Variants in LY75 observed in about 807,000 individuals in gnomAD.
The protein encoded by LY75 is C-type lectin domain family 13 member B.
LY75 carries 185 observed loss-of-function variants against 231.7 expected under a neutral mutation model. The observed-to-expected ratio is 0.80, with a 90% confidence interval of 0.71 to 0.90. LY75 has a LOEUF of 0.90. LY75 is among the 40% of genes least tolerant of loss of function. The probability of loss-of-function intolerance (pLI) is 0.00; values close to 1 mark genes in which losing one functional copy is unlikely to be tolerated. For synonymous variants in LY75, 668 were observed against 689.0 expected (o/e 0.97, Z 0.48); for missense variants, 1,947 against 2,050.2 (o/e 0.95, Z 0.97).
At chr2:159,832,532 G>A (rs7607439) in intron 27 of LY75, among the ~76,000 whole-genome samples, 4,623 of 152,232 alleles carry the variant, frequency 0.03, 214 homozygotes, top group African/African-American at 0.1. Flanking sequence ...TTTTCAGTAT[G>A]AGGGTTAAAA....
intron 23 of LY75, among the ~76,000 whole-genome samples, chr2:159,849,101 C>T (rs1168486919): frequency 1.3e-5 from 2 of 152,094 alleles, no homozygotes; most frequent in Admixed American, 1.3e-4. Context: ...CTATAATAAC[C>T]AAGTAATAAT....
chr2:159,879,337 C>T lies in LY75; in HGVS notation c.1437G>A (p.Glu479=). ...TTCTCTTGCATACATATTTTAGTTT[C>T]TCCTCACATGATTGGACTTTCCACT... ...LGQWKVQSCE[E]KLKYVCKRKG... is the part of the protein sequence containing the mutation. The change falls in exon 9 of 35, where the codon GAG becomes GAA. Residue 479 remains glutamate, a synonymous_variant. Coordinates refer to ENST00000263636, the MANE Select transcript of LY75 (RefSeq NM_002349.4). 12 of 1,613,654 alleles carry T rather than the reference C, an allele frequency of 7.4e-6. No individual in the cohort carries two copies. Among genetic ancestry groups the T allele is most frequent in the Non-Finnish European group, 1.0e-5 (12 of 1,179,874 alleles).
Position 159,810,564 on chromosome 2 carries a change from T to C in LY75, c.4661A>G (p.His1554Arg). Residue 1554 changes from histidine to arginine, a missense_variant, in exon 32 of 35, where the codon CAC (histidine) becomes CGC (arginine). His to Arg is a conservative substitution (Grantham distance 29). Transcript: ENST00000263636. The stretch of plus-strand genomic sequence containing the variant: ...CAATTTTTTGGCCTCTGAAAAACTG[T>C]GCAATGCCTGATCAGACTTGTAACA... ...GHCYKSDQAL[H>R]SFSEAKKLCS... 1.2e-6 allele frequency: 2 copies of C among 1,614,164 alleles called. No individual in the cohort carries two copies. Among genetic ancestry groups the C allele is most frequent in the Non-Finnish European group, 1.7e-6 (2 of 1,180,020 alleles).
chr2:159,875,355 A>G, intron 12 of LY75, 89 bp downstream of exon 12: 4 of 1,525,052 alleles, frequency 2.6e-6, no homozygotes, highest in Non-Finnish European at 3.5e-6. Context: ...ACATAGTACT[A>G]TGGAGAAGAG....
intron 30 of LY75, among the ~76,000 whole-genome samples, chr2:159,816,548 C>T (rs1010112625): frequency 6.6e-6 from 1 of 152,148 alleles, no homozygotes; most frequent in Non-Finnish European, 1.5e-5. Context: ...ATTTGTCTGT[C>T]CCAAATAGGC....
intron 31 of LY75, chr2:159,812,235 T>G (rs1682982101): frequency 6.6e-6 from 1 of 151,888 alleles, no homozygotes. Flanking sequence ...TCTCTTAGGC[T>G]GCGTACATTT....
In LY75 at chr2:159,850,035, G is replaced by C; in HGVS notation, c.3095C>G (p.Thr1032Arg). The C allele has an allele frequency of 1.2e-6, 2 of 1,613,898 alleles. No homozygotes were observed. The highest frequency in any genetic ancestry group is 1.7e-6 in the Non-Finnish European group (2 of 1,179,896). ...CAATAATGGGTGAAAGTTACTGTAC[G>C]TCAGCTCTCTGTTATCTGTCCATTT... ...INKWTDNREL[T>R]YSNFHPLLVS... The change falls in exon 23 of 35, where the codon ACG (threonine) becomes AGG (arginine). Residue 1032 changes from threonine (T) to arginine (R), a missense_variant. By Grantham distance (71) the Thr-to-Arg change is moderately conservative. Coordinates refer to ENST00000263636, the MANE Select transcript of LY75 (RefSeq NM_002349.4).
chr2:159,844,323 TAAAAAAAAA>T (rs66740962), intron 23 of LY75, among the ~76,000 whole-genome samples: 1 of 133,420 alleles, frequency 7.5e-6, no homozygotes, highest in Non-Finnish European at 1.6e-5. Context: ...GGCCTAATGG[TAAAAAAAAA>T]AAAAAAAAAA....
At chr2:159,805,315 C>T in intron 34 of LY75, 93 bp from the exon 35 acceptor site, 2 of 854,996 alleles carry the variant, frequency 2.3e-6, no homozygotes, top group South Asian at 1.6e-5. Context: ...ACATGTAAAC[C>T]TGTAAGCTGT....
chr2:159,836,146 T>C lies in LY75; in HGVS notation c.3508-501A>G, dbSNP rs137878448. 2.6e-3 allele frequency among the ~76,000 whole-genome samples: 400 copies of C among 152,248 alleles called. 1 individual carries two copies. The highest frequency in any genetic ancestry group is 9.2e-3 in the African/African-American group (382 of 41,544). On this transcript the variant is annotated intron_variant, in intron 25 of 34. Coordinates refer to ENST00000263636, the MANE Select transcript of LY75 (RefSeq NM_002349.4). ...AAACCTACATGGTTTTGAATCCTGATTCAGTCACTTACTAGCTTTCATGTG... is the reference window on the plus strand; with the variant it reads ...AAACCTACATGGTTTTGAATCCTGACTCAGTCACTTACTAGCTTTCATGTG...
chr2:159,806,293 T>C (rs1431292007), intron 34 of LY75, among the ~76,000 whole-genome samples: 1 of 152,194 alleles, frequency 6.6e-6, no homozygotes, highest in African/African-American at 2.4e-5. Flanking sequence ...GCATGGCATA[T>C]AGTAGACACT....
rs759478932 is a variant in LY75, at chr2:159,805,002, C to G, written c.*42G>C. Reference sequence around the variant, plus strand: ...CTGGGACATTTTAAGTGACTAATTTCTCATAACACATTAGTGCAAATTAGA... The same window carrying G: ...CTGGGACATTTTAAGTGACTAATTTGTCATAACACATTAGTGCAAATTAGA... On this transcript the variant is annotated 3_prime_UTR_variant, in exon 35 of 35. Coordinates refer to ENST00000263636, the MANE Select transcript of LY75 (RefSeq NM_002349.4). 1 of 1,514,780 alleles carries G rather than the reference C, an allele frequency of 6.6e-7. No homozygotes were observed. Among genetic ancestry groups the G allele is most frequent in the South Asian group, 1.1e-5 (1 of 87,114 alleles). The allele number at this position is 1,514,780 out of a possible 1,614,324, so 93.8% of individuals were successfully genotyped here.
chr2:159,817,186 T>A, intron 29 of LY75, 154 bp from the exon 30 acceptor site: 1 of 381,746 alleles, frequency 2.6e-6, no homozygotes, highest in Non-Finnish European at 3.6e-6. Context: ...CTTACTGGTA[T>A]GACACATATC....
At chr2:159,854,597 G>A in intron 17 of LY75, 62 bp from the exon 18 acceptor site, 1 of 1,543,544 alleles carries the variant, frequency 6.5e-7, no homozygotes, top group Non-Finnish European at 8.8e-7. Context: ...TGTCCTCTAA[G>A]CATGAGTTAA....
chr2:159,840,681 A>G (rs1419823902), intron 25 of LY75, 48 bp downstream of exon 25: 2 of 1,612,020 alleles, frequency 1.2e-6, no homozygotes, highest in Admixed American at 3.3e-5. Flanking sequence ...ACAATAAAAA[A>G]TGTCGCTTTC....
intron 32 of LY75, 146 bp downstream of exon 32, chr2:159,810,380 A>G (rs1045810291): frequency 9.0e-7 from 1 of 1,111,528 alleles, no homozygotes; most frequent in East Asian, 2.6e-5. Context: ...TTTCCCTACC[A>G]CTGGGCAATT....
At chr2:159,817,179 A>G (rs1364275795) in intron 29 of LY75, 147 bp from the exon 30 acceptor site, 1 of 828,576 alleles carries the variant, frequency 1.2e-6, no homozygotes, top group East Asian at 2.8e-5. Context: ...TATTTTTCTT[A>G]CTGGTATGAC....
intron 23 of LY75, among the ~76,000 whole-genome samples, chr2:159,848,081 T>C (rs1388221721): frequency 1.9e-4 from 6 of 31,784 alleles, no homozygotes; most frequent in African/African-American, 7.9e-4. Flanking sequence ...TATATATATA[T>C]ATATATATAT....
intron 28 of LY75, among the ~76,000 whole-genome samples, chr2:159,827,405 T>C (rs1030320750): frequency 6.6e-6 from 1 of 152,118 alleles, no homozygotes; most frequent in East Asian, 1.9e-4. Flanking sequence ...AAAACCACAA[T>C]GAGATACCAT....
Sources: gnomAD v4.1 joint callset for allele counts (sites outside exome capture counted in the v4.1 genomes callset) on GRCh38, gnomAD v4.1.1 for gene constraint, MANE v1.5 for transcripts, NCBI Gene and HGNC (gene_info 2026-07-23, HGNC 2026-07-21) for gene names.